The following CTNNA3 variants were observed in gnomAD, a reference collection of about 807,000 sequenced individuals.
CTNNA3 encodes the protein catenin alpha-3.
In CTNNA3, 76 loss-of-function variants were observed where a neutral mutation model predicts 95.7. The observed-to-expected ratio is 0.79, with a 90% CI of 0.66 to 0.96. The LOEUF (loss-of-function observed/expected upper bound fraction) is 0.96. Among genes scored for constraint, CTNNA3 ranks in the 40% least tolerant of loss-of-function variants. The pLI is 0.00. For missense variants in CTNNA3, 1,191 were observed against 1,089.8 expected (o/e 1.09, Z -1.31); for synonymous variants, 431 against 374.4 (o/e 1.15, Z -1.74).
intron 15 of CTNNA3, among the ~76,000 whole-genome samples, chr10:66,040,715 G>T (rs935174573): frequency 6.6e-6 from 1 of 152,084 alleles, no homozygotes; most frequent in African/African-American, 2.4e-5. Context: ...ACAGACACTG[G>T]CGCCTACTGG....
At chr10:66,780,772 T>C (rs1287895677) in intron 7 of CTNNA3, among the ~76,000 whole-genome samples, 1 of 152,188 alleles carries the variant, frequency 6.6e-6, no homozygotes, top group Non-Finnish European at 1.5e-5. Context: ...AGTTATTTGT[T>C]AAATAAATAG....
intron 7 of CTNNA3, among the ~76,000 whole-genome samples, chr10:67,124,156 T>C (rs187635360): frequency 2.6e-5 from 4 of 152,292 alleles, no homozygotes; most frequent in African/African-American, 9.6e-5. Flanking sequence ...TAAGAAATGA[T>C]ACTATAAAAT....
At chr10:66,877,996 A>G (rs544295151) in intron 7 of CTNNA3, among the ~76,000 whole-genome samples, 3 of 152,254 alleles carry the variant, frequency 2.0e-5, no homozygotes, top group East Asian at 1.9e-4. Flanking sequence ...ATTTGTTTCT[A>G]TGGTGGGTAA....
chr10:67,237,130 A>ATATATATATATATATATATG (rs1232166032), intron 5 of CTNNA3, among the ~76,000 whole-genome samples: 2 of 31,236 alleles, frequency 6.4e-5, no homozygotes, highest in African/African-American at 5.8e-4. Context: ...GTGTATGTAT[A>ATATATATATATATATATATG]TATATATATA....
Position 66,927,241 on chromosome 10 carries a change from C to A in CTNNA3, c.1048-151717G>T, listed in dbSNP as rs1223429501. The A allele has an allele frequency of 1.2e-6, 2 of 1,614,072 alleles. No individual in the cohort carries two copies. Among genetic ancestry groups the A allele is most frequent in the South Asian group, 2.2e-5 (2 of 91,084 alleles). On this transcript the variant is annotated intron_variant, in intron 7 of 17. Transcript: ENST00000433211. This position sits in a 1 kb window ranked among gnomAD's most constrained non-coding sequence, Gnocchi z 4.7. ...TGACGAAAATGCTTTTAATGGAATACGCAGACTCAAAGAGCTGATTCTTAG... is the reference window on the plus strand; with the variant it reads ...TGACGAAAATGCTTTTAATGGAATAAGCAGACTCAAAGAGCTGATTCTTAG...
chr10:66,488,218 T>C (rs527745307), intron 11 of CTNNA3, among the ~76,000 whole-genome samples: 2 of 152,316 alleles, frequency 1.3e-5, no homozygotes, highest in East Asian at 3.9e-4. Flanking sequence ...GATAAATCAC[T>C]TGAAATAACT....
At chr10:66,595,746 C>T (rs1843693253) in intron 10 of CTNNA3, among the ~76,000 whole-genome samples, 2 of 152,068 alleles carry the variant, frequency 1.3e-5, no homozygotes, top group Non-Finnish European at 2.9e-5. Context: ...AAATGATCCT[C>T]CCCCCTTAGC....
intron 17 of CTNNA3, among the ~76,000 whole-genome samples, chr10:65,947,900 G>C (rs1589160183): frequency 1.3e-5 from 2 of 152,318 alleles, no homozygotes; most frequent in East Asian, 3.9e-4. Context: ...GAATAGACTT[G>C]AACTCTACAG....
At chr10:67,379,721 C>T (rs1250211254) in intron 5 of CTNNA3, among the ~76,000 whole-genome samples, 1 of 152,104 alleles carries the variant, frequency 6.6e-6, no homozygotes, top group African/African-American at 2.4e-5. Flanking sequence ...ATGAGTAGAG[C>T]ATAGAATTAG....
chr10:67,687,719 G>A (rs932539237), intron 1 of CTNNA3, among the ~76,000 whole-genome samples: 3 of 152,082 alleles, frequency 2.0e-5, no homozygotes, highest in East Asian at 1.9e-4. Flanking sequence ...CGAGTGGGTC[G>A]GGTGACAGGA....
chr10:66,639,840 C>A (rs1845455665), intron 9 of CTNNA3, among the ~76,000 whole-genome samples: 1 of 152,002 alleles, frequency 6.6e-6, no homozygotes, highest in African/African-American at 2.4e-5. Context: ...TTTACCAAGT[C>A]AAAGATTTTA....
chr10:66,653,846 A>G (rs559877487), intron 9 of CTNNA3, among the ~76,000 whole-genome samples: 1 of 152,234 alleles, frequency 6.6e-6, no homozygotes, highest in African/African-American at 2.4e-5. Context: ...AGAATAGAAA[A>G]TGTGGAAAAG....
chr10:66,778,103 C>T (rs1302732804), intron 7 of CTNNA3, among the ~76,000 whole-genome samples: 1 of 152,126 alleles, frequency 6.6e-6, no homozygotes, highest in East Asian at 1.9e-4. Context: ...TAAACAGTCC[C>T]TATCATGACA....
intron 15 of CTNNA3, among the ~76,000 whole-genome samples, chr10:66,036,505 G>C (rs1437346717): frequency 6.6e-6 from 1 of 152,044 alleles, no homozygotes; most frequent in Non-Finnish European, 1.5e-5. Context: ...TTCCCGAGTA[G>C]CTGGGATTAC....
intron 11 of CTNNA3, among the ~76,000 whole-genome samples, chr10:66,455,368 C>T (rs186507880): frequency 6.6e-6 from 1 of 152,172 alleles, no homozygotes; most frequent in African/African-American, 2.4e-5. Flanking sequence ...CCAAGAAATC[C>T]ACAAAAGACT....
At chr10:67,342,887 T>A (rs946162766) in intron 5 of CTNNA3, among the ~76,000 whole-genome samples, 1 of 151,624 alleles carries the variant, frequency 6.6e-6, no homozygotes, top group Admixed American at 6.6e-5. Flanking sequence ...TCTCCAGTTT[T>A]GTTTTGTTTT....
intron 13 of CTNNA3, among the ~76,000 whole-genome samples, chr10:66,254,052 T>G (rs1307236727): frequency 6.6e-6 from 1 of 152,156 alleles, no homozygotes; most frequent in Non-Finnish European, 1.5e-5. Flanking sequence ...CTCAGATGCC[T>G]TCTCTGCTTT....
At chr10:66,940,092 T>C (rs1159672725) in intron 7 of CTNNA3, among the ~76,000 whole-genome samples, 2 of 152,180 alleles carry the variant, frequency 1.3e-5, no homozygotes, top group African/African-American at 2.4e-5. Flanking sequence ...CTTTCAGTAC[T>C]GGAATCTGCT....
At chr10:67,301,729 G>A (rs1840281229) in intron 5 of CTNNA3, among the ~76,000 whole-genome samples, 1 of 152,118 alleles carries the variant, frequency 6.6e-6, no homozygotes, top group Non-Finnish European at 1.5e-5. Flanking sequence ...AGCACTTTGG[G>A]AGGCCAAGGC....
Sources: allele counts gnomAD v4.1 joint callset (sites outside exome capture counted in the v4.1 genomes callset), GRCh38; gene constraint gnomAD v4.1.1; non-coding constraint Gnocchi (gnomAD v3.1); transcripts MANE v1.5; gene names NCBI Gene and HGNC (gene_info 2026-07-23, HGNC 2026-07-21).